The following ITSN1 variants were observed in gnomAD, a reference collection of about 807,000 sequenced individuals.
ITSN1 encodes intersectin-1.
A neutral mutation model predicts 239.8 loss-of-function variants in ITSN1; 58 were observed. That is an observed-to-expected ratio of 0.24 (90% CI 0.20 to 0.30). The LOEUF (loss-of-function observed/expected upper bound fraction) is 0.30, where lower values mean the gene tolerates loss of function less well. Ranked by LOEUF, ITSN1 falls within the 10% of genes least tolerant of loss-of-function variation. The pLI is 1.00. For missense variants in ITSN1, 1,558 were observed against 2,103.3 expected, an observed-to-expected ratio of 0.74 and a Z score of 5.07; for synonymous variants, 780 against 770.8, an observed-to-expected ratio of 1.01 and a Z score of -0.20.
At chr21:33,803,344 T>C (rs578134175) in intron 20 of ITSN1, among the ~76,000 whole-genome samples, 25 of 152,352 alleles carry the variant, frequency 1.6e-4, no homozygotes, top group African/African-American at 5.8e-4. Context: ...TTCTCCTTCC[T>C]CTTTTGGGCA....
At chr21:33,707,222 C>G (rs2092279861) in intron 1 of ITSN1, among the ~76,000 whole-genome samples, 2 of 152,122 alleles carry the variant, frequency 1.3e-5, no homozygotes, top group Non-Finnish European at 2.9e-5. Context: ...TTGTGGCTCT[C>G]TTTTCAACTT....
chr21:33,705,593 T>A (rs1479190306), intron 1 of ITSN1, among the ~76,000 whole-genome samples: 2 of 152,008 alleles, frequency 1.3e-5, no homozygotes, highest in African/African-American at 4.8e-5. Context: ...AGGGTTTCAC[T>A]GTGTTAGCCA....
chr21:33,687,102 G>A (rs773383223), intron 1 of ITSN1, among the ~76,000 whole-genome samples: 1 of 152,096 alleles, frequency 6.6e-6, no homozygotes, highest in Non-Finnish European at 1.5e-5. Context: ...AGGCCAAGGT[G>A]GGCAGATTAC....
chr21:33,713,413 T>G (rs1256434768), intron 1 of ITSN1, among the ~76,000 whole-genome samples: 1 of 151,614 alleles, frequency 6.6e-6, no homozygotes, highest in Admixed American at 6.6e-5. Context: ...CTAATTTTTT[T>G]TGGTATTTTT....
chr21:33,729,499 C>T (rs987826419), intron 4 of ITSN1, among the ~76,000 whole-genome samples: 8 of 150,922 alleles, frequency 5.3e-5, no homozygotes, highest in Non-Finnish European at 3.0e-5. Flanking sequence ...GTAGTGTAAA[C>T]CAAAAAGTAT....
chr21:33,717,062 T>C (rs1282439465), intron 1 of ITSN1, among the ~76,000 whole-genome samples: 1 of 151,904 alleles, frequency 6.6e-6, no homozygotes, highest in Admixed American at 6.6e-5. Flanking sequence ...AATTTAAAAA[T>C]GTGATAGTTG....
chr21:33,719,420 G>T (rs958791402), intron 2 of ITSN1, among the ~76,000 whole-genome samples: 1 of 152,130 alleles, frequency 6.6e-6, no homozygotes, highest in Non-Finnish European at 1.5e-5. Flanking sequence ...CAGCCTGGGC[G>T]ACAGAGCAAG....
intron 29 of ITSN1, among the ~76,000 whole-genome samples, chr21:33,854,441 A>T (rs1001131151): frequency 1.3e-5 from 2 of 152,242 alleles, no homozygotes; most frequent in African/African-American, 4.8e-5. Context: ...GCCCTTCAAC[A>T]AGAAATGGCC....
At chr21:33,713,614 T>C (rs2092479965) in intron 1 of ITSN1, among the ~76,000 whole-genome samples, 2 of 152,130 alleles carry the variant, frequency 1.3e-5, no homozygotes, top group African/African-American at 4.8e-5. Flanking sequence ...GCATATATAA[T>C]GGTAGGACAA....
At chr21:33,861,490 T>G (rs911918883) in intron 31 of ITSN1, among the ~76,000 whole-genome samples, 1 of 152,216 alleles carries the variant, frequency 6.6e-6, no homozygotes, top group African/African-American at 2.4e-5. Flanking sequence ...ATGGACTTCC[T>G]ACTAATGATG....
Position 33,899,201 on chromosome 21 carries a change from C to T in ITSN1, c.*10901C>T, listed in dbSNP as rs1457213617. The T allele has an allele frequency of 1.3e-5, 2 of 152,248 alleles. No homozygotes were observed. Among genetic ancestry groups the T allele is most frequent in the African/African-American group, 2.4e-5 (1 of 41,462 alleles). The allele number at this position is 152,248 out of a possible 1,614,324, so 9.4% of individuals were successfully genotyped here. A position where few individuals can be genotyped will look rare whatever the true frequency, so the allele number is the denominator to read the frequency against. On this transcript the variant is annotated 3_prime_UTR_variant, in exon 40 of 40. Coordinates refer to ENST00000381318, the MANE Select transcript of ITSN1 (RefSeq NM_003024.3). ...AGTCTGGGGACAAGAAAAGCTAGAA[C>T]ATGGGGCCCTCCCTTCCCAGGAGTG...
At position 33,754,727 on chromosome 21, in the gene ITSN1, T is replaced by C. The variant is rs540644708; in HGVS notation, c.624-570T>C. Among the ~76,000 whole-genome samples, 39 of 152,316 alleles carry C rather than the reference T, an allele frequency of 2.6e-4. 1 individual carries two copies. The highest frequency in any genetic ancestry group is 2.5e-3 in the South Asian group (12 of 4,826). On this transcript the variant is annotated intron_variant, in intron 7 of 39. Coordinates refer to ENST00000381318, the MANE Select transcript of ITSN1 (RefSeq NM_003024.3). ...GAAGCTGTCTCCATTCCCACTCTGC[T>C]TATGTGTGACCATGGAAATGTTCTG...
intron 39 of ITSN1, 77 bp downstream of exon 39, chr21:33,886,537 G>T: frequency 7.8e-7 from 1 of 1,282,624 alleles, no homozygotes; most frequent in East Asian, 2.5e-5. Flanking sequence ...TCTTACCTGG[G>T]GACTTGGTGC....
chr21:33,643,894 CG>C (rs2087687108), intron 1 of ITSN1: 1 of 152,168 alleles, frequency 6.6e-6, no homozygotes, highest in Non-Finnish European at 1.5e-5. Context: ...GTTCTGTCAG[CG>C]GGGAGGCAGT....
chr21:33,788,290 C>T (rs1231000443), intron 16 of ITSN1, among the ~76,000 whole-genome samples: 3 of 152,242 alleles, frequency 2.0e-5, no homozygotes, highest in Non-Finnish European at 4.4e-5. Context: ...TCCACACACA[C>T]ACCTTGCTCC....
chr21:33,774,189 T>C (rs554458221), intron 12 of ITSN1, among the ~76,000 whole-genome samples: 7 of 152,312 alleles, frequency 4.6e-5, no homozygotes, highest in African/African-American at 1.7e-4. Flanking sequence ...TGCTCTGATA[T>C]GTACTCTATC....
At position 33,885,105 on chromosome 21, in the gene ITSN1, C is replaced by T; in HGVS notation, c.4741C>T (p.Arg1581Cys). The T allele has an allele frequency of 1.2e-6, 2 of 1,613,876 alleles. No individual in the cohort carries two copies. Among genetic ancestry groups the T allele is most frequent in the Non-Finnish European group, 1.7e-6 (2 of 1,179,856 alleles). ...CTACATAGAGACTGAGAAAAAGAAG[C>T]GCGAGAAAGCGTACCTGGGTAATGC... Reference protein sequence around the residue: ...ELYIETEKKKREKAYLVRSQR... With the variant: ...ELYIETEKKKCEKAYLVRSQR... The change falls in exon 37 of 40, where the codon CGC (arginine) becomes TGC (cysteine). Residue 1581 changes from arginine to cysteine, a missense_variant. Transcript: ENST00000381318.
At chr21:33,863,299 T>C (rs1180138463) in intron 31 of ITSN1, among the ~76,000 whole-genome samples, 1 of 152,238 alleles carries the variant, frequency 6.6e-6, no homozygotes, top group East Asian at 1.9e-4. Context: ...ACAATCACTG[T>C]CTGCAGATGC....
At chr21:33,765,789 G>T in intron 9 of ITSN1, 86 bp from the exon 10 acceptor site, 1 of 1,456,904 alleles carries the variant, frequency 6.9e-7, no homozygotes. Context: ...TGGTCAATAA[G>T]AAAACATAAC....
Sources: gnomAD v4.1 joint callset for allele counts (sites outside exome capture counted in the v4.1 genomes callset) on GRCh38, gnomAD v4.1.1 for gene constraint, MANE v1.5 for transcripts, NCBI Gene and HGNC (gene_info 2026-07-23, HGNC 2026-07-21) for gene names.